Variants in TOP1MT observed in about 807,000 individuals in gnomAD.
TOP1MT encodes the protein DNA topoisomerase I mitochondrial.
In TOP1MT, 80 loss-of-function variants were observed where a neutral mutation model predicts 73.9. That is an observed-to-expected ratio of 1.08 (90% CI 0.90 to 1.30). TOP1MT has a LOEUF of 1.30. Ranked by LOEUF, TOP1MT falls within the 50% of genes most tolerant of loss-of-function variation. TOP1MT has a pLI of 0.00. For synonymous variants in TOP1MT, 338 were observed against 326.4 expected, an observed-to-expected ratio of 1.04 and a Z score of -0.38; for missense variants, 815 against 808.0, an observed-to-expected ratio of 1.01 and a Z score of -0.10.
At chr8:143,318,129 A>C in intron 8 of TOP1MT, 43 bp from the exon 9 acceptor site, 1 of 1,593,880 alleles carries the variant, frequency 6.3e-7, no homozygotes, top group Non-Finnish European at 8.6e-7. Context: ...AAAAAACCCG[A>C]ATCCAGTGAG....
rs1402632653 is a variant in TOP1MT, at chr8:143,321,255, G to A, written c.1092C>T (p.Asp364=). 6.2e-7 allele frequency: 1 copy of A among 1,612,524 alleles called. No individual in the cohort carries two copies. Among genetic ancestry groups the A allele is most frequent in the Non-Finnish European group, 8.5e-7 (1 of 1,179,178 alleles). ...ADGCQHVVEF[D]FLGKDCIRYY... ...AGCGGATGCAGTCCTTCCCCAGGAA[G>A]TCAAATTCCACCACGTGTTGGCAGC... Residue 364 remains aspartate (D), a synonymous_variant, in exon 8 of 14, where the codon GAC becomes GAT. Transcript: ENST00000329245.
At chr8:143,323,847 CCA>C (rs1816626522) in intron 7 of TOP1MT, 150 bp downstream of exon 7, 3 of 804,980 alleles carry the variant, frequency 3.7e-6, no homozygotes, top group East Asian at 2.6e-5. Flanking sequence ...ATGTTCACAC[CCA>C]CACACGTGTG....
In TOP1MT at chr8:143,322,681, C is replaced by CACACACGCACGCCACACACACGCA. The variant is rs1816507653; in HGVS notation, c.961-1296_961-1295insTGCGTGTGTGTGGCGTGCGTGTGT. 5.0e-5 allele frequency among the ~76,000 whole-genome samples: 3 copies of CACACACGCACGCCACACACACGCA among 60,054 alleles called. No individual in the cohort carries two copies. In the East Asian group the frequency reaches 2.1e-3, roughly 43 times the overall value. The allele number at this position is 60,054 out of a possible 152,430, so 39.4% of individuals were successfully genotyped here. On this transcript the variant is annotated intron_variant, in intron 7 of 13. Coordinates refer to ENST00000329245, the MANE Select transcript of TOP1MT (RefSeq NM_052963.3). ...ACACACGCACGCCACACACGCACGC[C>CACACACGCACGCCACACACACGCA]ACACACGCACGCCACACGCACGCCA...
intron 1 of TOP1MT, among the ~76,000 whole-genome samples, chr8:143,352,900 T>C (rs771674815): frequency 6.6e-6 from 1 of 152,126 alleles, no homozygotes; most frequent in Non-Finnish European, 1.5e-5. Context: ...GCTGGGATCA[T>C]AGGCAGATAA....
At chr8:143,314,155 C>T (rs982943401) in intron 12 of TOP1MT, among the ~76,000 whole-genome samples, 7 of 152,120 alleles carry the variant, frequency 4.6e-5, no homozygotes, top group Non-Finnish European at 4.4e-5. Flanking sequence ...GGGATGGTGC[C>T]GCCGCCCTGG....
intron 7 of TOP1MT, among the ~76,000 whole-genome samples, 198 bp downstream of exon 7, chr8:143,323,801 C>G (rs946795200): frequency 2.6e-5 from 4 of 151,822 alleles, no homozygotes; most frequent in Non-Finnish European, 5.9e-5. Context: ...CACAAGTGCA[C>G]ACACACCACA....
chr8:143,329,241 CAG>C (rs1816786139), intron 3 of TOP1MT, 107 bp downstream of exon 3: 1 of 1,284,822 alleles, frequency 7.8e-7, no homozygotes, highest in Admixed American at 2.6e-5. Flanking sequence ...AGTGGTCACA[CAG>C]GGGCCACCGA....
At chr8:143,335,347 C>T (rs991777417), upstream of TOP1MT, among the ~76,000 whole-genome samples, 5 of 152,318 alleles carry the variant, frequency 3.3e-5, no homozygotes, top group South Asian at 4.1e-4. Flanking sequence ...ACTTCCAGGA[C>T]GCAGAAACCG....
intron 2 of TOP1MT, among the ~76,000 whole-genome samples, chr8:143,342,869 C>T (rs923038968): frequency 2.6e-5 from 4 of 150,964 alleles, no homozygotes; most frequent in African/African-American, 9.8e-5. Flanking sequence ...ACTGCAACCT[C>T]TGCCTCCCGG....
chr8:143,353,963 C>CAAAAGA (rs1817363297), intron 1 of TOP1MT, among the ~76,000 whole-genome samples: 1 of 47,606 alleles, frequency 2.1e-5, no homozygotes, highest in African/African-American at 1.1e-4. Flanking sequence ...GACTCCATCC[C>CAAAAGA]AAAAAAAAAA....
At chr8:143,336,705 G>A (rs1053238921), upstream of TOP1MT, among the ~76,000 whole-genome samples, 10 of 152,258 alleles carry the variant, frequency 6.6e-5, no homozygotes, top group South Asian at 6.2e-4. Context: ...AAAATTGGCC[G>A]AGCACCGTAG....
intron 2 of TOP1MT, among the ~76,000 whole-genome samples, chr8:143,342,773 G>A (rs1310177688): frequency 6.4e-5 from 3 of 47,092 alleles, no homozygotes; most frequent in Non-Finnish European, 1.9e-4. Flanking sequence ...ACAGAGTCTT[G>A]CTCTATTATT....
At chr8:143,348,692 A>C (rs1400811615), upstream of TOP1MT, among the ~76,000 whole-genome samples, 4 of 152,036 alleles carry the variant, frequency 2.6e-5, no homozygotes, top group East Asian at 1.9e-4. The surrounding 1 kb of genome is among the most constrained non-coding windows in gnomAD (Gnocchi z 4.6). Context: ...TGACAGGGAG[A>C]GTCAGAGACT....
chr8:143,323,756 C>A (rs373707591), intron 7 of TOP1MT, among the ~76,000 whole-genome samples: 2,274 of 109,342 alleles, frequency 0.021, 313 homozygotes, highest in African/African-American at 0.051. Context: ...CATGCACGCC[C>A]CACACAGACA....
At chr8:143,321,543 G>T (rs1395437389) in intron 7 of TOP1MT, among the ~76,000 whole-genome samples, 157 bp from the exon 8 acceptor site, 7 of 91,786 alleles carry the variant, frequency 7.6e-5, no homozygotes, top group Admixed American at 3.9e-4. Flanking sequence ...ACACACGCAC[G>T]CCACACACGC....
intron 2 of TOP1MT, among the ~76,000 whole-genome samples, chr8:143,339,884 C>G (rs1430487639): frequency 7.6e-6 from 1 of 131,032 alleles, no homozygotes; most frequent in Non-Finnish European, 1.6e-5. Flanking sequence ...ACTCCCAGCA[C>G]TGGTCTACAC....
intron 7 of TOP1MT, 128 bp downstream of exon 7, chr8:143,323,870 CA>C: frequency 2.9e-5 from 30 of 1,038,902 alleles, no homozygotes; most frequent in Non-Finnish European, 3.7e-5. Flanking sequence ...CACATGCACA[CA>C]CCCCCCCCAT....
chr8:143,332,862 G>A (rs112311579), intron 1 of TOP1MT, among the ~76,000 whole-genome samples: 6 of 152,012 alleles, frequency 3.9e-5, no homozygotes, highest in African/African-American at 1.2e-4. Flanking sequence ...AAAACTAGCT[G>A]GCAGATGCTG....
chr8:143,334,481 GAA>G (rs139276113), intron 1 of TOP1MT, among the ~76,000 whole-genome samples: 6 of 152,106 alleles, frequency 3.9e-5, no homozygotes, highest in East Asian at 1.9e-4. Flanking sequence ...ACCACAAGCG[GAA>G]AAAAAGAGGG....
Sources: allele counts gnomAD v4.1 joint callset (sites outside exome capture counted in the v4.1 genomes callset), GRCh38; gene constraint gnomAD v4.1.1; non-coding constraint Gnocchi (gnomAD v3.1); transcripts MANE v1.5; gene names NCBI Gene and HGNC (gene_info 2026-07-23, HGNC 2026-07-21).